Variants in TRIM5 observed in about 807,000 individuals in gnomAD.
TRIM5 encodes the protein tripartite motif containing 5.
A neutral mutation model predicts 35.6 loss-of-function variants in TRIM5; 31 were observed. The observed-to-expected ratio is 0.87, with a 90% CI of 0.65 to 1.18. The LOEUF is 1.18. Ranked by LOEUF, TRIM5 falls within the 50% of genes most tolerant of loss-of-function variation. The pLI is 0.00. For missense variants in TRIM5, 609 were observed against 591.6 expected, an observed-to-expected ratio of 1.03 and a Z score of -0.31; for synonymous variants, 243 against 215.6, an observed-to-expected ratio of 1.13 and a Z score of -1.11.
the TRIM5 span, among the ~76,000 whole-genome samples, chr11:5,649,523 T>G: frequency 6.6e-6 from 1 of 152,308 alleles, no homozygotes; most frequent in East Asian, 1.9e-4. Flanking sequence ...TCCTTGATAG[T>G]CAGGATTAAT....
rs1431021328 is a variant in TRIM5 at position 5,680,182 on chromosome 11, G to A, written c.-5C>T. 1 of 1,592,030 alleles carries A rather than the reference G, an allele frequency of 6.3e-7. No homozygotes were observed. Among genetic ancestry groups the A allele is most frequent in the Non-Finnish European group, 8.6e-7 (1 of 1,167,650 alleles). On this transcript the variant is annotated 5_prime_UTR_variant, in exon 2 of 8. Coordinates refer to ENST00000380034, the MANE Select transcript of TRIM5 (RefSeq NM_033034.3). ...AACCAGGATTCCAGAAGCCATAGTA[G>A]CTATTCCACTGCTCCTGCCTGTCCT... is the stretch of plus-strand genomic sequence containing the variant.
chr11:5,632,623 GATC>G, the TRIM5 span: 1 of 1,613,280 alleles, frequency 6.2e-7, no homozygotes, highest in Non-Finnish European at 8.5e-7. Flanking sequence ...AGATCTCTGT[GATC>G]ATCATGGAGA....
chr11:5,678,547 G>T (rs1302528328), intron 3 of TRIM5, 113 bp from the exon 4 acceptor site: 2 of 799,166 alleles, frequency 2.5e-6, no homozygotes, highest in Non-Finnish European at 3.9e-6. Flanking sequence ...CATAGTAGCA[G>T]GAGAGTAGGT....
chr11:5,612,021 A>G, the TRIM5 span: 2 of 152,188 alleles, frequency 1.3e-5, no homozygotes, highest in Admixed American at 6.5e-5. Flanking sequence ...ACAATTGTGT[A>G]TCATTTTTGT....
At position 5,680,147 on chromosome 11, in the gene TRIM5, C is replaced by G. The variant is rs375526993; in HGVS notation, c.31G>C (p.Glu11Gln). The G allele has an allele frequency of 6.2e-7, 1 of 1,612,268 alleles. No individual in the cohort carries two copies. Among genetic ancestry groups the G allele is most frequent in the African/African-American group, 1.3e-5 (1 of 74,904 alleles). Reference protein sequence around the residue: MASGILVNVKEEVTCPICLEL... With the variant: MASGILVNVKQEVTCPICLEL... ...AGGCAGATGGGGCAGGTCACCTCCT[C>G]CTTTACATTAACCAGGATTCCAGAA... is the stretch of plus-strand genomic sequence containing the variant. Residue 11 changes from glutamate to glutamine, a missense_variant, in exon 2 of 8, where the codon GAG (glutamate) becomes CAG (glutamine). By Grantham distance (29) the Glu-to-Gln change is conservative. Coordinates refer to ENST00000380034, the MANE Select transcript of TRIM5 (RefSeq NM_033034.3).
intron 1 of TRIM5, among the ~76,000 whole-genome samples, chr11:5,683,211 G>A (rs960004187): frequency 3.9e-5 from 6 of 152,196 alleles, no homozygotes; most frequent in Admixed American, 1.3e-4. Flanking sequence ...CCTGTGCTGC[G>A]CGAGCGTCCC....
At chr11:5,674,664 G>C (rs1297514637) in intron 4 of TRIM5, among the ~76,000 whole-genome samples, 1 of 152,228 alleles carries the variant, frequency 6.6e-6, no homozygotes, top group Non-Finnish European at 1.5e-5. Context: ...CTCAGTCTAC[G>C]AGCTATCTAA....
chr11:5,604,617 A>AG, the TRIM5 span: 3 of 1,611,906 alleles, frequency 1.9e-6, no homozygotes, highest in Middle Eastern at 1.7e-4. Flanking sequence ...GAGAGAAGAA[A>AG]ACATCCTGGA....
At chr11:5,610,231 T>C in the TRIM5 span, 5 of 1,613,950 alleles carry the variant, frequency 3.1e-6, no homozygotes, top group Non-Finnish European at 4.2e-6. Context: ...AAAAGGATGC[T>C]GCGAGTGTGT....
chr11:5,618,804 A>G, the TRIM5 span, among the ~76,000 whole-genome samples: 4 of 152,352 alleles, frequency 2.6e-5, no homozygotes, highest in Admixed American at 6.5e-5. Context: ...AGGAAATTCT[A>G]TTTTAAGCTT....
the TRIM5 span, among the ~76,000 whole-genome samples, chr11:5,653,326 G>A: frequency 1.3e-5 from 2 of 152,116 alleles, no homozygotes; most frequent in African/African-American, 4.8e-5. Flanking sequence ...TTGAACATAT[G>A]TGTTAGTCCT....
At chr11:5,603,530 A>C in the TRIM5 span, 4 of 1,614,156 alleles carry the variant, frequency 2.5e-6, no homozygotes, top group Non-Finnish European at 3.4e-6. Flanking sequence ...CCTAATCGGC[A>C]TCTGGCCAAC....
chr11:5,642,877 C>G, the TRIM5 span: 1 of 1,613,074 alleles, frequency 6.2e-7, no homozygotes, highest in African/African-American at 1.3e-5. Flanking sequence ...TAACTGTTTT[C>G]CAATTACCTT....
chr11:5,628,027 A>T, the TRIM5 span, among the ~76,000 whole-genome samples: 1 of 152,194 alleles, frequency 6.6e-6, no homozygotes, highest in Non-Finnish European at 1.5e-5. Context: ...TGTCAGGCCA[A>T]TGGCACTCAT....
the TRIM5 span, chr11:5,643,125 A>ATATATT: frequency 0.01 from 10,142 of 972,228 alleles, 301 homozygotes; most frequent in African/African-American, 0.14. Context: ...ATATATATAT[A>ATATATT]TTTTTTTTTT....
In TRIM5 at chr11:5,675,532, G is replaced by C. The variant is rs183247943; in HGVS notation, c.744+2672C>G. On this transcript the variant is annotated intron_variant, in intron 4 of 7. Coordinates refer to ENST00000380034, the MANE Select transcript of TRIM5 (RefSeq NM_033034.3). ...TTGTTTCTGGGCATTATGGGATCAT[G>C]ATCCCACCAAACCTCCTGGGAATGC... is the stretch of plus-strand genomic sequence containing the variant. 4.0e-3 allele frequency among the ~76,000 whole-genome samples: 606 copies of C among 152,114 alleles called. 5 individuals carry two copies. The highest frequency in any genetic ancestry group is 0.014 in the African/African-American group (588 of 41,502).
chr11:5,615,932 C>CT, the TRIM5 span, among the ~76,000 whole-genome samples: 3 of 102,464 alleles, frequency 2.9e-5, no homozygotes, highest in Admixed American at 1.1e-4. Context: ...CATATCTTTT[C>CT]ATTTTTTTTT....
In TRIM5 at chr11:5,667,086, G is replaced by A. The variant is rs569398134; in HGVS notation, c.767+603C>T. Reference sequence around the variant, plus strand: ...AGGTAATAAAATGGTGATGGCGCAGGGGTCCAACACTGCAACACCTTCTCC... The same window carrying A: ...AGGTAATAAAATGGTGATGGCGCAGAGGTCCAACACTGCAACACCTTCTCC... On this transcript the variant is annotated intron_variant, in intron 5 of 7. Transcript: ENST00000380034. Among the ~76,000 whole-genome samples the A allele has an allele frequency of 3.9e-5, 6 of 152,152 alleles. No individual in the cohort carries two copies. In the South Asian group the frequency reaches 6.2e-4, roughly 16 times the overall value.
the TRIM5 span, chr11:5,643,374 G>T: frequency 1.2e-6 from 2 of 1,613,988 alleles, no homozygotes; most frequent in African/African-American, 2.7e-5. Context: ...GAAGTATGTT[G>T]TTAGAAGATG....
Sources: allele counts gnomAD v4.1 joint callset (sites outside exome capture counted in the v4.1 genomes callset), GRCh38; gene constraint gnomAD v4.1.1; transcripts MANE v1.5; gene names NCBI Gene and HGNC (gene_info 2026-07-23, HGNC 2026-07-21).